Variants in PTPRT observed in about 807,000 individuals in gnomAD.
PTPRT encodes the protein receptor-type tyrosine-protein phosphatase T.
A neutral mutation model predicts 176.8 loss-of-function variants in PTPRT; 56 were observed. The observed-to-expected ratio is 0.32, with a 90% confidence interval of 0.26 to 0.40. PTPRT has a LOEUF of 0.40. PTPRT is among the 10% of genes least tolerant of loss of function. The probability of loss-of-function intolerance (pLI) is 1.00; values close to 1 mark genes in which losing one functional copy is unlikely to be tolerated. For missense variants in PTPRT, 1,540 were observed against 1,908.2 expected (o/e 0.81, Z 3.60); for synonymous variants, 783 against 739.0 (o/e 1.06, Z -0.96).
chr20:42,657,567 G>GT lies in PTPRT; in HGVS notation c.1153+20298dup, dbSNP rs544017724. On this transcript the variant is annotated intron_variant, in intron 7 of 30. Transcript: ENST00000373187. ...TGATGGCATTTATTAGTATGGCTTTGTGGGGGGGAAAAATCTGTGCTTCAA... is the reference window on the plus strand; with the variant it reads ...TGATGGCATTTATTAGTATGGCTTTGTTGGGGGGGAAAAATCTGTGCTTCAA... Among the ~76,000 whole-genome samples, 9 of 150,670 alleles carry GT rather than the reference G, an allele frequency of 6.0e-5. No individual in the cohort carries two copies. In the South Asian group the frequency reaches 1.9e-3, roughly 32 times the overall value.
intron 9 of PTPRT, among the ~76,000 whole-genome samples, chr20:42,447,104 T>C (rs1005065058): frequency 6.6e-6 from 1 of 152,086 alleles, no homozygotes; most frequent in Non-Finnish European, 1.5e-5. Context: ...TCCTTGACTT[T>C]CCTCCCCAGA....
intron 9 of PTPRT, among the ~76,000 whole-genome samples, chr20:42,427,663 T>C (rs965697467): frequency 6.6e-6 from 1 of 152,166 alleles, no homozygotes; most frequent in Admixed American, 6.5e-5. Flanking sequence ...AATACCACTG[T>C]CAGGCCTCTG....
the PTPRT span, among the ~76,000 whole-genome samples, chr20:42,067,065 T>C: frequency 6.6e-6 from 1 of 152,168 alleles, no homozygotes; most frequent in South Asian, 2.1e-4. Flanking sequence ...TGTCTGGTGA[T>C]GTTTTCCTGT....
At chr20:42,402,351 G>C (rs984956517) in intron 9 of PTPRT, among the ~76,000 whole-genome samples, 33 of 152,044 alleles carry the variant, frequency 2.2e-4, no homozygotes, top group Non-Finnish European at 4.0e-4. Context: ...ACAGATGAGG[G>C]CCTATTTTCA....
the PTPRT span, among the ~76,000 whole-genome samples, chr20:42,052,352 G>C: frequency 6.6e-6 from 1 of 152,204 alleles, no homozygotes; most frequent in African/African-American, 2.4e-5. Flanking sequence ...GGTAGCTGCA[G>C]CCACAGCCAG....
chr20:42,120,017 T>C (rs771807319), intron 19 of PTPRT, 46 bp from the exon 20 acceptor site: 12 of 1,541,566 alleles, frequency 7.8e-6, no homozygotes, highest in Non-Finnish European at 9.8e-6. Context: ...TTGTCAAAGC[T>C]TGCAAACAGC....
chr20:42,162,995 G>T (rs1351997993), intron 16 of PTPRT, among the ~76,000 whole-genome samples: 2 of 152,208 alleles, frequency 1.3e-5, no homozygotes, highest in African/African-American at 4.8e-5. Flanking sequence ...TTTTAACATT[G>T]AAAGTACAGC....
intron 2 of PTPRT, among the ~76,000 whole-genome samples, chr20:42,825,681 A>G (rs965924907): frequency 3.3e-5 from 5 of 152,188 alleles, no homozygotes; most frequent in Admixed American, 3.3e-4. Flanking sequence ...CACCAAAATG[A>G]CAGTGTAGGA....
intron 18 of PTPRT, among the ~76,000 whole-genome samples, chr20:42,141,712 T>C (rs1988640211): frequency 6.6e-6 from 1 of 152,054 alleles, no homozygotes. Flanking sequence ...GCCTGCTCCC[T>C]CTGGCTGAGA....
chr20:42,404,316 G>A lies in PTPRT; in HGVS notation c.1560+43904C>T, dbSNP rs544731607. On this transcript the variant is annotated intron_variant, in intron 9 of 30. Coordinates refer to ENST00000373187, the MANE Select transcript of PTPRT (RefSeq NM_007050.6). ...CCCTGCAGGGGACTTGAATGCCTTA[G>A]GGGATGATGAAGACACCAAATAAAA... Among the ~76,000 whole-genome samples, 10 of 152,244 alleles carry A rather than the reference G, an allele frequency of 6.6e-5. No individual in the cohort carries two copies. The South Asian group carries it at 2.1e-3, about 32-fold the overall frequency.
At chr20:43,124,811 G>A (rs1229854698) in intron 1 of PTPRT, among the ~76,000 whole-genome samples, 1 of 152,124 alleles carries the variant, frequency 6.6e-6, no homozygotes, top group Non-Finnish European at 1.5e-5. Context: ...AAATTACACT[G>A]GGCTGACTTT....
the PTPRT span, among the ~76,000 whole-genome samples, chr20:42,033,383 A>T: frequency 1.2e-4 from 18 of 152,322 alleles, no homozygotes; most frequent in African/African-American, 3.8e-4. Context: ...CATGATGCAT[A>T]TAGCTTATTG....
At chr20:42,409,437 G>A (rs1015930773) in intron 9 of PTPRT, among the ~76,000 whole-genome samples, 11 of 141,840 alleles carry the variant, frequency 7.8e-5, no homozygotes, top group East Asian at 2.3e-4. Context: ...AGCCGAGATC[G>A]TGCCACTGTA....
intron 1 of PTPRT, among the ~76,000 whole-genome samples, chr20:43,017,675 C>T (rs562687322): frequency 6.6e-6 from 1 of 152,320 alleles, no homozygotes; most frequent in South Asian, 2.1e-4. Flanking sequence ...GAAAGCTGGA[C>T]TGGGAGGGAA....
chr20:42,260,027 G>A (rs2056720180), intron 13 of PTPRT, among the ~76,000 whole-genome samples: 1 of 152,194 alleles, frequency 6.6e-6, no homozygotes, highest in African/African-American at 2.4e-5. Context: ...GAGCATGGAA[G>A]GTAATTAGAC....
rs59454108 is a variant in PTPRT, at chr20:42,645,764, A to ATGTGTGTGTG, written c.1153+32092_1153+32101dup. ...TATGTTTCAGATGGGATGTGTATTT[A>ATGTGTGTGTG]TGTGTGTGTGTGTGTGTGTGTGTGT... On this transcript the variant is annotated intron_variant, in intron 7 of 30. Coordinates refer to ENST00000373187, the MANE Select transcript of PTPRT (RefSeq NM_007050.6). Among the ~76,000 whole-genome samples the ATGTGTGTGTG allele has an allele frequency of 7.4e-3, 1,026 of 139,540 alleles. 11 individuals carry two copies. The highest frequency in any genetic ancestry group is 0.024 in the African/African-American group (903 of 38,202). 91.5% of individuals were successfully genotyped at this position (139,540 alleles called of 152,430 possible).
At chr20:42,633,577 C>CT (rs2074460518) in intron 7 of PTPRT, among the ~76,000 whole-genome samples, 1 of 151,136 alleles carries the variant, frequency 6.6e-6, no homozygotes, top group Non-Finnish European at 1.5e-5. Context: ...AGGAAGATCA[C>CT]TTGAGGCCAG....
At chr20:43,001,616 G>A (rs1984559925) in intron 1 of PTPRT, among the ~76,000 whole-genome samples, 1 of 151,776 alleles carries the variant, frequency 6.6e-6, no homozygotes, top group African/African-American at 2.4e-5. Context: ...TCAGGAAGAA[G>A]ACTAAAGCTG....
chr20:43,136,501 C>G (rs2013838406), intron 1 of PTPRT, among the ~76,000 whole-genome samples: 1 of 152,124 alleles, frequency 6.6e-6, no homozygotes, highest in African/African-American at 2.4e-5. Context: ...CTAAGGCTAC[C>G]AAATGGCCTG....
Sources: allele counts gnomAD v4.1 joint callset (sites outside exome capture counted in the v4.1 genomes callset), GRCh38; gene constraint gnomAD v4.1.1; transcripts MANE v1.5; gene names NCBI Gene and HGNC (gene_info 2026-07-23, HGNC 2026-07-21).